The following SPOCK3 variants were observed in gnomAD, a reference collection of about 807,000 sequenced individuals.
SPOCK3 encodes the protein SPARC (osteonectin), cwcv and kazal like domains proteoglycan 3, also known as testican-3.
Under a neutral mutation model 56.6 loss-of-function variants are expected in SPOCK3, and 30 were observed. That is an observed-to-expected ratio of 0.53 (90% CI 0.40 to 0.72). The LOEUF (loss-of-function observed/expected upper bound fraction) is 0.72. Ranked by LOEUF, SPOCK3 falls within the 30% of genes least tolerant of loss-of-function variation. The probability of loss-of-function intolerance (pLI) is 0.00; values close to 1 mark genes in which losing one functional copy is unlikely to be tolerated. For synonymous variants in SPOCK3, 196 were observed against 183.3 expected, an observed-to-expected ratio of 1.07 and a Z score of -0.56; for missense variants, 527 against 530.0, an observed-to-expected ratio of 0.99 and a Z score of 0.06.
At chr4:167,089,255 A>T (rs1415479750) in intron 2 of SPOCK3, among the ~76,000 whole-genome samples, 1 of 152,172 alleles carries the variant, frequency 6.6e-6, no homozygotes, top group African/African-American at 2.4e-5. Flanking sequence ...AAACTACAAG[A>T]AAATACAGAA....
chr4:167,055,914 T>G (rs1002231591), intron 3 of SPOCK3, among the ~76,000 whole-genome samples: 13 of 152,158 alleles, frequency 8.5e-5, no homozygotes. Context: ...CTCTGCAGAC[T>G]TAAATGTCCC....
chr4:167,025,251 C>T (rs1751593278), intron 3 of SPOCK3, among the ~76,000 whole-genome samples: 1 of 151,338 alleles, frequency 6.6e-6, no homozygotes, highest in Non-Finnish European at 1.5e-5. Flanking sequence ...AAAAACTGCC[C>T]ATCTGCAGAT....
At chr4:167,029,489 T>C (rs1338963784) in intron 3 of SPOCK3, among the ~76,000 whole-genome samples, 1 of 152,064 alleles carries the variant, frequency 6.6e-6, no homozygotes, top group African/African-American at 2.4e-5. Flanking sequence ...GTGAAAATTA[T>C]CTTTCTGTGT....
At chr4:166,968,238 A>T (rs1744964458) in intron 4 of SPOCK3, among the ~76,000 whole-genome samples, 1 of 152,216 alleles carries the variant, frequency 6.6e-6, no homozygotes, top group Non-Finnish European at 1.5e-5. Flanking sequence ...CAGCCTGAAC[A>T]TGTGGTAGAA....
chr4:166,789,755 G>A (rs1248372575), intron 7 of SPOCK3, among the ~76,000 whole-genome samples: 4 of 152,106 alleles, frequency 2.6e-5, no homozygotes, highest in Non-Finnish European at 4.4e-5. Context: ...TCATCAGAAT[G>A]GAAAAGTTAA....
chr4:167,015,402 C>A (rs1181356063), intron 3 of SPOCK3, among the ~76,000 whole-genome samples: 5 of 152,054 alleles, frequency 3.3e-5, no homozygotes, highest in Non-Finnish European at 5.9e-5. Context: ...AGAATTTAAA[C>A]CTAAGAATTA....
At chr4:167,024,576 A>G (rs1356769097) in intron 3 of SPOCK3, among the ~76,000 whole-genome samples, 4 of 152,098 alleles carry the variant, frequency 2.6e-5, no homozygotes, top group Non-Finnish European at 4.4e-5. Flanking sequence ...TATATCAACT[A>G]AAATATTCTT....
intron 2 of SPOCK3, among the ~76,000 whole-genome samples, chr4:167,077,035 A>G (rs1757251658): frequency 6.6e-6 from 1 of 151,856 alleles, no homozygotes. Context: ...TATTTTAGAC[A>G]TTGCATTAAA....
rs146451371 is a variant in SPOCK3, at chr4:167,171,429, C to T, written c.189+62556G>A. On this transcript the variant is annotated intron_variant, in intron 2 of 10. Transcript: ENST00000357545. ...TAAGTACTTGTCTACAGCATGTAAC[C>T]CATTTCCCAATGGGGAAAAATGTAC... Among the ~76,000 whole-genome samples the T allele has an allele frequency of 6.7e-3, 1,026 of 152,172 alleles. 3 individuals are homozygous for T. The highest frequency in any genetic ancestry group is 0.011 in the Non-Finnish European group (733 of 67,972).
intron 2 of SPOCK3, among the ~76,000 whole-genome samples, chr4:167,095,179 C>G (rs1213812914): frequency 3.3e-5 from 5 of 152,110 alleles, no homozygotes; most frequent in African/African-American, 1.2e-4. Flanking sequence ...CCCTAACAGA[C>G]ACACCTAGAA....
At chr4:167,194,798 G>A (rs962446852) in intron 2 of SPOCK3, among the ~76,000 whole-genome samples, 3 of 152,172 alleles carry the variant, frequency 2.0e-5, no homozygotes, top group African/African-American at 7.2e-5. Flanking sequence ...TAGGGCTAGT[G>A]CTGGGACAAG....
At chr4:166,931,675 C>T (rs1739802870) in intron 4 of SPOCK3, among the ~76,000 whole-genome samples, 1 of 152,090 alleles carries the variant, frequency 6.6e-6, no homozygotes, top group Admixed American at 6.6e-5. Flanking sequence ...TTGTTTAGAG[C>T]ATTCAATTTA....
chr4:167,176,860 T>C (rs561604077), intron 2 of SPOCK3, among the ~76,000 whole-genome samples: 1 of 152,192 alleles, frequency 6.6e-6, no homozygotes, highest in African/African-American at 2.4e-5. Flanking sequence ...TGTCAAACGT[T>C]GCAAACATAG....
chr4:166,921,214 G>A (rs1471010246), intron 4 of SPOCK3, among the ~76,000 whole-genome samples: 4 of 151,980 alleles, frequency 2.6e-5, no homozygotes, highest in Non-Finnish European at 5.9e-5. Flanking sequence ...AAGTTAACAA[G>A]TAATTAATAA....
chr4:166,932,992 A>G (rs557626719), intron 4 of SPOCK3, among the ~76,000 whole-genome samples: 16 of 152,332 alleles, frequency 1.1e-4, no homozygotes, highest in Non-Finnish European at 2.1e-4. Flanking sequence ...CCTAGTAAGT[A>G]TAAAAGCAGT....
intron 3 of SPOCK3, among the ~76,000 whole-genome samples, chr4:167,051,533 C>T (rs1359141361): frequency 6.6e-6 from 1 of 152,202 alleles, no homozygotes; most frequent in Non-Finnish European, 1.5e-5. Context: ...CAGTATACAA[C>T]AACTTTCAAA....
intron 2 of SPOCK3, among the ~76,000 whole-genome samples, chr4:167,076,401 T>C (rs757759913): frequency 1.1e-4 from 17 of 151,268 alleles, no homozygotes; most frequent in South Asian, 4.2e-4. Flanking sequence ...AGGCAGAGAG[T>C]ATGTGGGAAA....
intron 2 of SPOCK3, among the ~76,000 whole-genome samples, chr4:167,147,348 T>C (rs1764049556): frequency 1.3e-5 from 2 of 152,012 alleles, no homozygotes; most frequent in South Asian, 2.1e-4. Context: ...CCAGGACCAG[T>C]TGGACTCACA....
At chr4:167,113,039 T>C (rs1229135751) in intron 2 of SPOCK3, among the ~76,000 whole-genome samples, 1 of 152,094 alleles carries the variant, frequency 6.6e-6, no homozygotes, top group Non-Finnish European at 1.5e-5. Context: ...TTTTGTATCT[T>C]AGCAGCAGGT....
Sources: gnomAD v4.1 joint callset for allele counts (sites outside exome capture counted in the v4.1 genomes callset) on GRCh38, gnomAD v4.1.1 for gene constraint, MANE v1.5 for transcripts, NCBI Gene and HGNC (gene_info 2026-07-23, HGNC 2026-07-21) for gene names.